NCAM1: variants seen among roughly 807,000 people sequenced by gnomAD.
NCAM1 encodes the protein neural cell adhesion molecule 1.
A neutral mutation model predicts 109.8 loss-of-function variants in NCAM1; 14 were observed. The observed-to-expected ratio is 0.13, with a 90% confidence interval of 0.08 to 0.20. NCAM1 has a LOEUF of 0.20. Ranked by LOEUF, NCAM1 falls within the 10% of genes least tolerant of loss-of-function variation. The pLI is 1.00. For missense variants in NCAM1, 774 were observed against 1,109.9 expected, an observed-to-expected ratio of 0.70 and a Z score of 4.30; for synonymous variants, 418 against 442.9, an observed-to-expected ratio of 0.94 and a Z score of 0.70.
At chr11:113,131,166 A>G (rs1941367789) in intron 1 of NCAM1, among the ~76,000 whole-genome samples, 1 of 152,132 alleles carries the variant, frequency 6.6e-6, no homozygotes, top group Non-Finnish European at 1.5e-5. Flanking sequence ...CTGTCAGGAA[A>G]TTCTTTTTTA....
At chr11:113,249,107 A>T (rs1412591710) in intron 15 of NCAM1, among the ~76,000 whole-genome samples, 1 of 152,074 alleles carries the variant, frequency 6.6e-6, no homozygotes, top group Non-Finnish European at 1.5e-5. Flanking sequence ...ATTCATAATG[A>T]TATTTTTTTT....
intron 1 of NCAM1, among the ~76,000 whole-genome samples, chr11:113,063,845 T>A (rs1204904919): frequency 7.9e-5 from 12 of 152,304 alleles, no homozygotes; most frequent in Non-Finnish European, 1.8e-4. Flanking sequence ...GTTTAAATAA[T>A]CTTTTAGAGC....
chr11:113,130,421 T>C (rs1941342389), intron 1 of NCAM1, among the ~76,000 whole-genome samples: 2 of 152,102 alleles, frequency 1.3e-5, no homozygotes, highest in Non-Finnish European at 2.9e-5. Flanking sequence ...ATTCAATGAG[T>C]CAATTAAACA....
intron 1 of NCAM1, among the ~76,000 whole-genome samples, chr11:112,992,445 A>T (rs1476358786): frequency 6.6e-6 from 1 of 151,974 alleles, no homozygotes; most frequent in Non-Finnish European, 1.5e-5. Context: ...AAAGCATAAA[A>T]ATATATATAC....
intron 1 of NCAM1, among the ~76,000 whole-genome samples, chr11:112,966,981 A>C (rs1950744629): frequency 6.6e-6 from 1 of 152,218 alleles, no homozygotes; most frequent in Non-Finnish European, 1.5e-5. Context: ...TGAAAAACAG[A>C]TTGTAATAAA....
chr11:112,974,725 CTATT>C (rs1309983265), intron 1 of NCAM1, among the ~76,000 whole-genome samples: 2 of 151,870 alleles, frequency 1.3e-5, no homozygotes, highest in East Asian at 1.9e-4. Flanking sequence ...TTCAATCTCT[CTATT>C]TATAAAAATT....
At chr11:113,265,040 C>G (rs894891402) in intron 17 of NCAM1, 2 of 985,318 alleles carry the variant, frequency 2.0e-6, no homozygotes, top group African/African-American at 3.5e-5. Flanking sequence ...CTCCACACAC[C>G]ATGGGGCCCC....
chr11:113,013,165 A>C (rs1555074765), intron 1 of NCAM1, among the ~76,000 whole-genome samples: 1 of 151,994 alleles, frequency 6.6e-6, no homozygotes, highest in African/African-American at 2.4e-5. Context: ...AGAGGCTCAC[A>C]CCTGTAATAC....
At chr11:112,974,520 T>C (rs1173592303) in intron 1 of NCAM1, among the ~76,000 whole-genome samples, 4 of 152,068 alleles carry the variant, frequency 2.6e-5, no homozygotes, top group African/African-American at 4.8e-5. Context: ...TTTGGACTGA[T>C]TGACTTAAGA....
At chr11:113,130,337 AC>A (rs1555098115) in intron 1 of NCAM1, among the ~76,000 whole-genome samples, 1 of 152,224 alleles carries the variant, frequency 6.6e-6, no homozygotes, top group Non-Finnish European at 1.5e-5. Flanking sequence ...TGTGCCTAGC[AC>A]TGTGCAAGAC....
intron 1 of NCAM1, among the ~76,000 whole-genome samples, chr11:113,068,934 T>C (rs1246851052): frequency 6.6e-6 from 1 of 152,306 alleles, no homozygotes; most frequent in Non-Finnish European, 1.5e-5. Flanking sequence ...CTGGCTAAAC[T>C]TGATGCTTGT....
intron 1 of NCAM1, among the ~76,000 whole-genome samples, chr11:113,085,559 G>A (rs1939042786): frequency 2.6e-5 from 4 of 152,078 alleles, no homozygotes; most frequent in African/African-American, 9.7e-5. Context: ...CTAGGTGATT[G>A]GGGAATCTGG....
intron 1 of NCAM1, among the ~76,000 whole-genome samples, chr11:112,980,320 C>T (rs1485551822): frequency 6.6e-6 from 1 of 151,822 alleles, no homozygotes; most frequent in Non-Finnish European, 1.5e-5. Context: ...GAACCAGCAG[C>T]TCTGCCCTTC....
At chr11:113,253,883 G>A (rs1229112504) in intron 15 of NCAM1, among the ~76,000 whole-genome samples, 1 of 152,160 alleles carries the variant, frequency 6.6e-6, no homozygotes, top group Non-Finnish European at 1.5e-5. Context: ...AGTTTGCCTG[G>A]GACTGAAGGG....
intron 1 of NCAM1, among the ~76,000 whole-genome samples, chr11:113,010,543 A>G (rs1318516991): frequency 6.6e-6 from 1 of 152,198 alleles, no homozygotes; most frequent in African/African-American, 2.4e-5. Flanking sequence ...GCTAATGAGC[A>G]AACATCAGCT....
At chr11:113,135,267 G>T (rs538984778) in intron 1 of NCAM1, among the ~76,000 whole-genome samples, 1 of 152,270 alleles carries the variant, frequency 6.6e-6, no homozygotes, top group East Asian at 1.9e-4. Flanking sequence ...TAAGAAAAAA[G>T]TAACAACCAT....
intron 1 of NCAM1, among the ~76,000 whole-genome samples, chr11:113,101,981 A>G (rs576298044): frequency 1.3e-5 from 2 of 152,304 alleles, no homozygotes; most frequent in Non-Finnish European, 2.9e-5. Context: ...CTACAAATTG[A>G]TTAAGAATAC....
intron 1 of NCAM1, among the ~76,000 whole-genome samples, chr11:112,970,348 T>C (rs1302427858): frequency 6.6e-6 from 1 of 152,166 alleles, no homozygotes; most frequent in Non-Finnish European, 1.5e-5. Flanking sequence ...ATTCTGGTTT[T>C]ATATAGCATC....
rs1945009490 is a variant in NCAM1 at position 113,231,630 on chromosome 11, C to T, written c.1090-15C>T. 6.2e-7 allele frequency: 1 copy of T among 1,612,094 alleles called. No homozygotes were observed. The highest frequency in any genetic ancestry group is 1.3e-5 in the African/African-American group (1 of 74,966). ...TTGGGCTCTGACATGCTCCCTTCCCCCCCACCCCCGGCAGACTCTGGATGG... is the reference window on the plus strand; with the variant it reads ...TTGGGCTCTGACATGCTCCCTTCCCTCCCACCCCCGGCAGACTCTGGATGG... On this transcript the variant is annotated splice_polypyrimidine_tract_variant and intron_variant, in intron 9 of 19. Transcript: ENST00000316851.
Sources: allele counts gnomAD v4.1 joint callset (sites outside exome capture counted in the v4.1 genomes callset), GRCh38; gene constraint gnomAD v4.1.1; transcripts MANE v1.5; gene names NCBI Gene and HGNC (gene_info 2026-07-23, HGNC 2026-07-21).